PHC1: variants seen among roughly 807,000 people sequenced by gnomAD.
The protein encoded by PHC1 is polyhomeotic-like protein 1.
PHC1 carries 12 observed loss-of-function variants against 104.3 expected under a neutral mutation model. The ratio of observed to expected loss-of-function variants is 0.12; its 90% CI spans 0.07 to 0.19. The LOEUF is 0.19. Among genes scored for constraint, PHC1 ranks in the 10% least tolerant of loss-of-function variants. The probability of loss-of-function intolerance (pLI) is 1.00; values close to 1 mark genes in which losing one functional copy is unlikely to be tolerated. For synonymous variants in PHC1, 302 were observed against 455.8 expected (o/e 0.66, Z 4.30); for missense variants, 671 against 1,200.0 (o/e 0.56, Z 6.51).
chr12:8,930,287 G>T, intron 6 of PHC1, 148 bp from the exon 7 acceptor site: 1 of 1,198,226 alleles, frequency 8.3e-7, no homozygotes, highest in Non-Finnish European at 1.2e-6. Flanking sequence ...TAGGAGGTAG[G>T]AAGGCCTTAA....
chr12:8,937,087 C>T (rs1322904934), intron 12 of PHC1, 89 bp from the exon 13 acceptor site: 13 of 1,490,770 alleles, frequency 8.7e-6, no homozygotes, highest in Non-Finnish European at 9.3e-7. Flanking sequence ...ATTCCCTTCC[C>T]CAAATCAGCT....
chr12:8,917,473 AT>A (rs1462894307), intron 1 of PHC1, among the ~76,000 whole-genome samples, 156 bp from the exon 2 acceptor site: 1 of 152,210 alleles, frequency 6.6e-6, no homozygotes, highest in East Asian at 1.9e-4. Flanking sequence ...GCAAGAGTGT[AT>A]TGAAGATTTG....
At position 8,933,852 on chromosome 12, in the gene PHC1, C is replaced by A. The variant is rs373639946; in HGVS notation, c.1894-13C>A. On this transcript the variant is annotated splice_polypyrimidine_tract_variant and intron_variant, in intron 8 of 14. Transcript: ENST00000544916. ...TGTACATCTTTGTTTCTTTCCTATT[C>A]TTTACGGTATAGGGTAAACCCCAGA... 9.3e-6 allele frequency: 15 copies of A among 1,607,416 alleles called. No homozygotes were observed. In the African/African-American group the frequency reaches 2.0e-4, roughly 21 times the overall value.
chr12:8,931,857 T>G (rs1945695383), intron 7 of PHC1, among the ~76,000 whole-genome samples: 1 of 152,250 alleles, frequency 6.6e-6, no homozygotes, highest in South Asian at 2.1e-4. Context: ...ATTACTATAC[T>G]TGGTATTTAT....
chr12:8,926,892 G>A (rs568561677), intron 6 of PHC1, among the ~76,000 whole-genome samples: 11 of 151,484 alleles, frequency 7.3e-5, no homozygotes, highest in Non-Finnish European at 1.6e-4. Context: ...TCCAGCCTGG[G>A]CAACGAGGGC....
At chr12:8,917,925 T>A in intron 2 of PHC1, 134 bp downstream of exon 2, 1 of 596,870 alleles carries the variant, frequency 1.7e-6, no homozygotes. Flanking sequence ...TAAGCTGTCT[T>A]CCAGCTCTGA....
At chr12:8,918,541 G>A (rs1185418170) in intron 2 of PHC1, among the ~76,000 whole-genome samples, 4 of 151,826 alleles carry the variant, frequency 2.6e-5, no homozygotes, top group African/African-American at 7.3e-5. Flanking sequence ...GCAGTGGTGC[G>A]ATCAGTGCTC....
At chr12:8,921,816 G>A in intron 5 of PHC1, 66 bp downstream of exon 5, 1 of 1,452,478 alleles carries the variant, frequency 6.9e-7, no homozygotes, top group Non-Finnish European at 9.2e-7. Context: ...AAAGACTTGA[G>A]TGAAAGCTTT....
At position 8,939,822 on chromosome 12, in the gene PHC1, G is replaced by C; in HGVS notation, c.*363G>C. ...CTCCAAGAGGAGGAATACATAGTAT[G>C]GTAAGGCAAGGAACTGGGTGGAATG... On this transcript the variant is annotated 3_prime_UTR_variant, in exon 15 of 15. Transcript: ENST00000544916. 3 of 465,068 alleles carry C rather than the reference G, an allele frequency of 6.5e-6. No individual in the cohort carries two copies. Among genetic ancestry groups the C allele is most frequent in the South Asian group, 3.1e-5 (2 of 64,630 alleles). The allele number at this position is 465,068 out of a possible 1,614,324, so 28.8% of individuals were successfully genotyped here. A position where few individuals can be genotyped will look rare whatever the true frequency, so the allele number is the denominator to read the frequency against.
At chr12:8,932,389 G>T (rs1592206024) in intron 7 of PHC1, among the ~76,000 whole-genome samples, 174 bp from the exon 8 acceptor site, 2 of 152,348 alleles carry the variant, frequency 1.3e-5, no homozygotes, top group East Asian at 3.9e-4. Flanking sequence ...GTCTGATTGA[G>T]TGGGAAGAGT....
At chr12:8,923,067 CTG>C (rs1945411289) in intron 6 of PHC1, among the ~76,000 whole-genome samples, 1 of 152,142 alleles carries the variant, frequency 6.6e-6, no homozygotes, top group Admixed American at 6.5e-5. Context: ...TTCTAGTCCT[CTG>C]TGGGTTTGTT....
intron 6 of PHC1, among the ~76,000 whole-genome samples, chr12:8,928,873 A>T (rs758812710): frequency 2.3e-4 from 35 of 152,286 alleles, no homozygotes; most frequent in African/African-American, 7.7e-4. Flanking sequence ...GGAGTTTATT[A>T]ATTGTAGTTT....
At position 8,938,069 on chromosome 12, in the gene PHC1, CCT is replaced by C. The variant is rs1336315146; in HGVS notation, c.2860+14_2860+15del. On this transcript the variant is annotated intron_variant, in intron 14 of 14. Coordinates refer to ENST00000544916, the MANE Select transcript of PHC1 (RefSeq NM_004426.3). ...TATTGCTTCTCTCCAAGGTACTGAC[CCT>C]CTCTTCAACAGAACCCAGGTTGTTT... The C allele has an allele frequency of 3.8e-6, 6 of 1,593,688 alleles. No homozygotes were observed. In the African/African-American group the frequency reaches 8.1e-5, roughly 21 times the overall value.
At chr12:8,931,104 G>A (rs1471445993) in intron 7 of PHC1, among the ~76,000 whole-genome samples, 177 bp downstream of exon 7, 1 of 152,118 alleles carries the variant, frequency 6.6e-6, no homozygotes, top group African/African-American at 2.4e-5. Context: ...AGGGTCAGGA[G>A]GACAAGTGAC....
intron 14 of PHC1, 82 bp downstream of exon 14, chr12:8,938,142 T>G (rs1436689009): frequency 2.2e-6 from 2 of 924,118 alleles, no homozygotes; most frequent in African/African-American, 3.3e-5. Context: ...GGAAAGTAAT[T>G]GACTTTTAAG....
At position 8,939,680 on chromosome 12, in the gene PHC1, C is replaced by CTT; in HGVS notation, c.*223_*224dup. The CTT allele has an allele frequency of 4.4e-6, 2 of 458,644 alleles. No homozygotes were observed. The highest frequency in any genetic ancestry group is 4.4e-5 in the South Asian group (2 of 45,236). The allele number at this position is 458,644 out of a possible 1,614,324, so 28.4% of individuals were successfully genotyped here. A position where few individuals can be genotyped will look rare whatever the true frequency, so the allele number is the denominator to read the frequency against. The stretch of plus-strand genomic sequence containing the variant: ...TGGGTTCTACTTTATTTTTTAAAAT[C>CTT]TTTACAGTTCTCACCATTTCACGTA... On this transcript the variant is annotated 3_prime_UTR_variant, in exon 15 of 15. Coordinates refer to ENST00000544916, the MANE Select transcript of PHC1 (RefSeq NM_004426.3).
At chr12:8,931,288 A>C (rs1368937124) in intron 7 of PHC1, among the ~76,000 whole-genome samples, 1 of 152,244 alleles carries the variant, frequency 6.6e-6, no homozygotes, top group Non-Finnish European at 1.5e-5. Context: ...TGAAAAGTAG[A>C]TTCCCTGTCT....
Position 8,935,227 on chromosome 12 carries a change from G to T in PHC1, c.2357G>T (p.Ser786Ile). The T allele has an allele frequency of 1.9e-6, 3 of 1,564,398 alleles. No homozygotes were observed. The highest frequency in any genetic ancestry group is 1.8e-5 in the Admixed American group (1 of 56,782). ...NQSGGPLGVDSPSAELDKKAN... is the reference protein window; with the variant it reads ...NQSGGPLGVDIPSAELDKKAN... ...TCAGGTGGCCCTTTGGGAGTGGACA[G>T]CCCATCTGCTGGTGAGCATTTATTT... Residue 786 changes from serine to isoleucine, a missense_variant, in exon 11 of 15, where the codon AGC becomes ATC. This residue lies in a region of PHC1 where 192 missense variants were observed against 280.5 expected (regional missense o/e 0.68). Transcript: ENST00000544916.
intron 6 of PHC1, among the ~76,000 whole-genome samples, chr12:8,927,378 T>C (rs1489062483): frequency 1.3e-5 from 2 of 152,016 alleles, no homozygotes; most frequent in East Asian, 1.9e-4. Context: ...AGTTCCTACA[T>C]GGTGATGAGG....
Sources: gnomAD v4.1 joint callset for allele counts (sites outside exome capture counted in the v4.1 genomes callset) on GRCh38, gnomAD v4.1.1 for gene constraint, gnomAD v4.1.1 regional missense constraint, MANE v1.5 for transcripts, NCBI Gene and HGNC (gene_info 2026-07-23, HGNC 2026-07-21) for gene names.